Variants in RAD51AP1 observed in about 807,000 individuals in gnomAD.
RAD51AP1 encodes the protein RAD51 associated protein 1.
A neutral mutation model predicts 34.3 loss-of-function variants in RAD51AP1; 14 were observed. The ratio of observed to expected loss-of-function variants is 0.41; its 90% CI spans 0.27 to 0.64. The LOEUF is 0.64. Ranked by LOEUF, RAD51AP1 falls within the 30% of genes least tolerant of loss-of-function variation. The pLI is 0.33. For missense variants in RAD51AP1, 348 were observed against 386.9 expected, an observed-to-expected ratio of 0.90 and a Z score of 0.84; for synonymous variants, 114 against 129.8, an observed-to-expected ratio of 0.88 and a Z score of 0.83.
intron 6 of RAD51AP1, among the ~76,000 whole-genome samples, chr12:4,551,377 C>T (rs989221481): frequency 1.3e-5 from 2 of 151,658 alleles, no homozygotes; most frequent in African/African-American, 4.9e-5. Context: ...TGCCTGTAAT[C>T]CCAGCTACTT....
chr12:4,550,392 A>G (rs932670350), intron 6 of RAD51AP1: 1 of 152,190 alleles, frequency 6.6e-6, no homozygotes, highest in Non-Finnish European at 1.5e-5. Context: ...ATATATTTGG[A>G]AAGTTTGGAG....
intron 3 of RAD51AP1, 137 bp from the exon 4 acceptor site, chr12:4,546,172 T>A: frequency 1.6e-6 from 1 of 637,948 alleles, no homozygotes. Context: ...ATCAAAGGTC[T>A]ATTAATGATG....
At chr12:4,542,866 T>C (rs1944478547) in intron 2 of RAD51AP1, among the ~76,000 whole-genome samples, 1 of 152,106 alleles carries the variant, frequency 6.6e-6, no homozygotes, top group African/African-American at 2.4e-5. Flanking sequence ...TGAGAAACAG[T>C]AATGGACTGG....
intron 1 of RAD51AP1, among the ~76,000 whole-genome samples, chr12:4,541,575 T>C (rs753277272): frequency 1.4e-3 from 211 of 152,310 alleles, no homozygotes; most frequent in Middle Eastern, 0.01. Flanking sequence ...TTTTTTCCTT[T>C]ATCATATAAT....
intron 6 of RAD51AP1, chr12:4,550,600 A>G (rs1420040533): frequency 1.3e-5 from 2 of 152,322 alleles, no homozygotes. Flanking sequence ...GAATAAGGAC[A>G]TTGCAATTTG....
intron 3 of RAD51AP1, among the ~76,000 whole-genome samples, chr12:4,544,460 G>A (rs1472313530): frequency 6.6e-6 from 1 of 152,150 alleles, no homozygotes; most frequent in East Asian, 1.9e-4. Flanking sequence ...GTATGGAGAA[G>A]AGATGGGCGG....
At chr12:4,555,307 C>T (rs1944574318) in intron 7 of RAD51AP1, among the ~76,000 whole-genome samples, 3 of 152,172 alleles carry the variant, frequency 2.0e-5, no homozygotes, top group African/African-American at 7.2e-5. Context: ...TTCTTCATCT[C>T]CATTGCTGCC....
chr12:4,548,539 A>G, intron 5 of RAD51AP1, 148 bp from the exon 6 acceptor site: 2 of 925,696 alleles, frequency 2.2e-6, no homozygotes, highest in Non-Finnish European at 3.2e-6. Context: ...TGGTTGACCC[A>G]GATTGGGCTA....
chr12:4,555,121 G>C (rs1041059609), intron 7 of RAD51AP1, among the ~76,000 whole-genome samples: 2 of 151,986 alleles, frequency 1.3e-5, no homozygotes, highest in South Asian at 4.1e-4. Flanking sequence ...AATACCCCTA[G>C]GTATCTCAAA....
At chr12:4,548,607 G>GTAA (rs1281284300) in intron 5 of RAD51AP1, 80 bp from the exon 6 acceptor site, 1 of 1,472,542 alleles carries the variant, frequency 6.8e-7, no homozygotes, top group Non-Finnish European at 9.3e-7. Flanking sequence ...AACAATAGCT[G>GTAA]TAATAGAGTC....
intron 1 of RAD51AP1, among the ~76,000 whole-genome samples, chr12:4,539,168 C>T (rs898613881): frequency 6.6e-6 from 1 of 152,150 alleles, no homozygotes; most frequent in African/African-American, 2.4e-5. Flanking sequence ...CCTTCACAAC[C>T]GTCGCCGTTT....
chr12:4,541,750 T>G (rs932323078), intron 1 of RAD51AP1, 134 bp from the exon 2 acceptor site: 2 of 283,876 alleles, frequency 7.0e-6, no homozygotes, highest in Non-Finnish European at 1.3e-5. Flanking sequence ...CACATTTTTA[T>G]TTATTTCGTT....
chr12:4,546,232 G>C (rs1944505214), intron 3 of RAD51AP1, 77 bp from the exon 4 acceptor site: 2 of 1,079,368 alleles, frequency 1.9e-6, no homozygotes, highest in African/African-American at 3.2e-5. Context: ...ATAGTAATTT[G>C]GAGAAATCTC....
rs1944519411 is a variant in RAD51AP1 at position 4,548,114 on chromosome 12, TA to T, written c.346del (p.Ile116Ter). On this transcript the variant is annotated frameshift_variant, in exon 5 of 9. Coordinates refer to ENST00000352618, the MANE Select transcript of RAD51AP1 (RefSeq NM_006479.5). LOFTEE classifies it high-confidence loss of function. ...TAGGCATTGAAAAACATGGCAGTAG[TA>T]AAATAGAAACAATGAATAAGTCTCC... ...DKSIEKHGSSKIETMNKSPHI... is the reference protein window; with the variant it reads ...DKSIEKHGSSXIETMNKSPHI... 6.2e-7 allele frequency: 1 copy of T among 1,601,062 alleles called. No individual in the cohort carries two copies. Among genetic ancestry groups the T allele is most frequent in the Admixed American group, 1.8e-5 (1 of 57,032 alleles).
At chr12:4,544,568 G>A (rs1449455217) in intron 3 of RAD51AP1, among the ~76,000 whole-genome samples, 1 of 152,132 alleles carries the variant, frequency 6.6e-6, no homozygotes, top group African/African-American at 2.4e-5. Context: ...CTTACCTCAT[G>A]TCATGCTCTT....
intron 8 of RAD51AP1, among the ~76,000 whole-genome samples, chr12:4,556,931 A>G (rs1203383431): frequency 6.6e-6 from 1 of 152,222 alleles, no homozygotes; most frequent in Non-Finnish European, 1.5e-5. Flanking sequence ...CAATTCTAGC[A>G]TTTAACAAAT....
chr12:4,554,367 C>T (rs1016560189), intron 7 of RAD51AP1, among the ~76,000 whole-genome samples: 2 of 152,192 alleles, frequency 1.3e-5, no homozygotes, highest in African/African-American at 4.8e-5. Context: ...AGTGTAATTT[C>T]CCCATCTAAG....
rs868667823 is a variant in RAD51AP1, at chr12:4,538,949, C to G, written c.10C>G (p.Pro4Ala). The G allele has an allele frequency of 6.2e-7, 1 of 1,613,734 alleles. No individual in the cohort carries two copies. The highest frequency in any genetic ancestry group is 8.5e-7 in the Non-Finnish European group (1 of 1,179,850). Reference protein sequence around the residue: MVRPVRHKKPVNYS... With the variant: MVRAVRHKKPVNYS... ...AGCCTTGAAAGGGACCATGGTGCGG[C>G]CTGTGAGGTGGGTAGTTCCTGACAT... is the stretch of plus-strand genomic sequence containing the variant. Residue 4 changes from proline (P) to alanine (A), a missense_variant, in exon 1 of 9, where the codon CCT becomes GCT. By Grantham distance (27) the Pro-to-Ala change is conservative. Transcript: ENST00000352618.
intron 3 of RAD51AP1, chr12:4,545,372 C>A (rs963563546): frequency 1.8e-5 from 6 of 331,312 alleles, no homozygotes; most frequent in Middle Eastern, 8.9e-4. Flanking sequence ...TCCATAGAAA[C>A]GGAAAGCAGA....
Sources: gnomAD v4.1 joint callset for allele counts (sites outside exome capture counted in the v4.1 genomes callset) on GRCh38, gnomAD v4.1.1 for gene constraint, MANE v1.5 for transcripts, NCBI Gene and HGNC (gene_info 2026-07-23, HGNC 2026-07-21) for gene names.